Variants in CCDC3 observed in about 807,000 individuals in gnomAD.
CCDC3 encodes coiled-coil domain-containing protein 3.
In CCDC3, 24 loss-of-function variants were observed where a neutral mutation model predicts 21.4. The ratio of observed to expected loss-of-function variants is 1.12; its 90% CI spans 0.81 to 1.58. The LOEUF (loss-of-function observed/expected upper bound fraction) is 1.58, where lower values mean the gene tolerates loss of function less well. Ranked by LOEUF, CCDC3 falls within the 40% of genes most tolerant of loss-of-function variation. The pLI, the probability that CCDC3 is intolerant of heterozygous loss-of-function variation, is 0.00. For missense variants in CCDC3, 425 were observed against 360.9 expected (o/e 1.18, Z -1.44); for synonymous variants, 186 against 166.0 (o/e 1.12, Z -0.93).
chr10:12,917,180 CTTTTTTTTTTTTTTTTTTT>C (rs56054100), intron 2 of CCDC3, among the ~76,000 whole-genome samples: 4 of 58,238 alleles, frequency 6.9e-5, no homozygotes, highest in East Asian at 7.6e-4. Context: ...ATTTCTTCTT[CTTTTTTTTTTTTTTTTTTT>C]TTTTTTTTTT....
intron 5 of CCDC3, among the ~76,000 whole-genome samples, chr10:13,049,391 C>T (rs917713814): frequency 1.3e-5 from 2 of 152,008 alleles, no homozygotes; most frequent in Non-Finnish European, 2.9e-5. Context: ...TTGGATGGCG[C>T]CAATGGCAAA....
intron 2 of CCDC3, among the ~76,000 whole-genome samples, chr10:12,902,555 G>A (rs1294546030): frequency 6.6e-6 from 1 of 152,192 alleles, no homozygotes; most frequent in African/African-American, 2.4e-5. Context: ...CAAGAGGATT[G>A]GGGTTTTGGA....
intron 2 of CCDC3, among the ~76,000 whole-genome samples, chr10:12,939,609 A>G (rs1346194284): frequency 2.0e-5 from 3 of 150,760 alleles, no homozygotes; most frequent in African/African-American, 7.3e-5. Context: ...GTAGTATTCA[A>G]CAGATGGTAG....
rs943331214 is a variant in CCDC3, at chr10:13,009,537, A to G, written c.-1-11025T>C. On this transcript the variant is annotated intron_variant, in intron 5 of 6. Coordinates refer to the CCDC3 transcript ENST00000378839. ...TCAAGACCTACTATAAAGCTATAGT[A>G]AGCAATAAAGTGTGATTTGGTGCAA... Among the ~76,000 whole-genome samples the G allele has an allele frequency of 3.9e-5, 6 of 152,358 alleles. No homozygotes were observed. The East Asian group carries it at 1.2e-3, about 29-fold the overall frequency.
At chr10:13,009,457 C>T (rs1835960527) in intron 5 of CCDC3, among the ~76,000 whole-genome samples, 1 of 151,916 alleles carries the variant, frequency 6.6e-6, no homozygotes, top group Non-Finnish European at 1.5e-5. Context: ...CTGAGAATAG[C>T]CAAAAACAAC....
intron 4 of CCDC3, among the ~76,000 whole-genome samples, chr10:13,057,027 C>T (rs11258163): frequency 0.24 from 36,390 of 152,072 alleles, 4,495 homozygotes; most frequent in Admixed American, 0.27. Context: ...CACAGTAGCT[C>T]TTGCATGTAA....
At chr10:13,038,571 A>C (rs1836408740) in intron 5 of CCDC3, among the ~76,000 whole-genome samples, 1 of 152,202 alleles carries the variant, frequency 6.6e-6, no homozygotes, top group Non-Finnish European at 1.5e-5. Flanking sequence ...GCTGAGGCTT[A>C]GCTTAGAGGC....
At chr10:13,000,588 A>G (rs1185144879) in intron 1 of CCDC3, among the ~76,000 whole-genome samples, 3 of 152,194 alleles carry the variant, frequency 2.0e-5, no homozygotes, top group Non-Finnish European at 2.9e-5. Context: ...TGAGACAGTG[A>G]AGCAATCCCG....
chr10:13,032,901 A>G (rs1836324470), intron 5 of CCDC3, among the ~76,000 whole-genome samples: 1 of 152,238 alleles, frequency 6.6e-6, no homozygotes, highest in African/African-American at 2.4e-5. Context: ...AATATCGTGA[A>G]CATGGCCATA....
At chr10:13,078,305 A>G (rs1409526799) in intron 3 of CCDC3, among the ~76,000 whole-genome samples, 1 of 152,310 alleles carries the variant, frequency 6.6e-6, no homozygotes, top group Non-Finnish European at 1.5e-5. Flanking sequence ...CAAAACCACA[A>G]TGAGATACCA....
chr10:13,010,387 T>G (rs1835970497), intron 5 of CCDC3, among the ~76,000 whole-genome samples: 1 of 152,120 alleles, frequency 6.6e-6, no homozygotes, highest in South Asian at 2.1e-4. Context: ...CTCAAAGTCA[T>G]TAGTCACTAG....
In CCDC3 at chr10:13,078,942, A is replaced by G. The variant is rs1836999457; in HGVS notation, c.-502-4842T>C. Among the ~76,000 whole-genome samples, 3 of 152,112 alleles carry G rather than the reference A, an allele frequency of 2.0e-5. No homozygotes were observed. The South Asian group carries it at 6.2e-4, about 32-fold the overall frequency. ...GAGTTAATGGGTGCAGCACACCAAC[A>G]TGGCACATGTATACATATATAACTA... On this transcript the variant is annotated intron_variant, in intron 3 of 6. Transcript: ENST00000378839.
At chr10:13,059,990 A>T (rs760575775) in intron 4 of CCDC3, among the ~76,000 whole-genome samples, 1 of 152,106 alleles carries the variant, frequency 6.6e-6, no homozygotes, top group Non-Finnish European at 1.5e-5. Flanking sequence ...AGGCTGAGGC[A>T]GGAGAATCAC....
At chr10:13,023,231 C>A (rs1288449773) in intron 5 of CCDC3, among the ~76,000 whole-genome samples, 2 of 152,136 alleles carry the variant, frequency 1.3e-5, no homozygotes, top group Non-Finnish European at 2.9e-5. Context: ...GCATAAAAAC[C>A]ACCTATACAT....
intron 2 of CCDC3, among the ~76,000 whole-genome samples, chr10:12,960,168 A>AACACACACAC (rs10626900): frequency 0.25 from 37,086 of 148,654 alleles, 5,016 homozygotes; most frequent in Admixed American, 0.32. Flanking sequence ...ACACACACAC[A>AACACACACAC]ACACACACAC....
At chr10:13,093,649 G>A (rs1450682612) in intron 3 of CCDC3, among the ~76,000 whole-genome samples, 1 of 152,076 alleles carries the variant, frequency 6.6e-6, no homozygotes, top group Non-Finnish European at 1.5e-5. Flanking sequence ...CACTGATGAA[G>A]AGGTCAAGGC....
intron 2 of CCDC3, among the ~76,000 whole-genome samples, chr10:12,905,685 C>T (rs1390050699): frequency 6.6e-6 from 1 of 152,188 alleles, no homozygotes; most frequent in Admixed American, 6.5e-5. Flanking sequence ...CAATTTCAAA[C>T]CTCCAGGTGG....
intron 2 of CCDC3, among the ~76,000 whole-genome samples, chr10:12,933,709 C>A (rs993026359): frequency 6.6e-6 from 1 of 152,094 alleles, no homozygotes; most frequent in South Asian, 2.1e-4. Flanking sequence ...CCGCCCGACT[C>A]GGCCTCCCAA....
At chr10:13,058,623 C>T in intron 4 of CCDC3, 1 of 600,596 alleles carries the variant, frequency 1.7e-6, no homozygotes, top group Non-Finnish European at 3.0e-6. Flanking sequence ...TTCTAAACGT[C>T]ACTTGGTATC....
Sources: allele counts gnomAD v4.1 joint callset (sites outside exome capture counted in the v4.1 genomes callset), GRCh38; gene constraint gnomAD v4.1.1; transcripts MANE v1.5; gene names NCBI Gene and HGNC (gene_info 2026-07-23, HGNC 2026-07-21).